NXPH2: variants seen among roughly 807,000 people sequenced by gnomAD.
NXPH2 encodes the protein neurexophilin 2, also known as neurexophilin-2.
Under a neutral mutation model 19.8 loss-of-function variants are expected in NXPH2, and 5 were observed. The ratio of observed to expected loss-of-function variants is 0.25; its 90% CI spans 0.13 to 0.53. The LOEUF is 0.53. Among genes scored for constraint, NXPH2 ranks in the 20% least tolerant of loss-of-function variants. NXPH2 has a pLI of 0.96. For missense variants in NXPH2, 289 were observed against 322.8 expected (o/e 0.90, Z 0.80); for synonymous variants, 154 against 127.4 (o/e 1.21, Z -1.41).
chr2:138,742,189 C>T (rs1159763896), intron 1 of NXPH2, among the ~76,000 whole-genome samples: 1 of 152,072 alleles, frequency 6.6e-6, no homozygotes, highest in Non-Finnish European at 1.5e-5. Flanking sequence ...TCTGGGGTGT[C>T]CGGCAGCCTC....
intron 1 of NXPH2, among the ~76,000 whole-genome samples, chr2:138,733,588 T>C (rs1681485107): frequency 6.6e-6 from 1 of 152,212 alleles, no homozygotes; most frequent in Admixed American, 6.5e-5. Flanking sequence ...TCAGAAATTG[T>C]CATTTTACGT....
chr2:138,713,805 A>T (rs1156461282), intron 1 of NXPH2, among the ~76,000 whole-genome samples: 1 of 152,140 alleles, frequency 6.6e-6, no homozygotes. Context: ...TCATCAGGGG[A>T]ATCCAATGTG....
At chr2:138,707,370 A>G (rs537961131) in intron 1 of NXPH2, among the ~76,000 whole-genome samples, 12 of 152,320 alleles carry the variant, frequency 7.9e-5, no homozygotes, top group Admixed American at 6.5e-4. Flanking sequence ...TTTGTGAAAG[A>G]ATGAACCTTC....
chr2:138,686,899 T>C (rs1182769385), intron 1 of NXPH2, among the ~76,000 whole-genome samples: 1 of 152,230 alleles, frequency 6.6e-6, no homozygotes, highest in Admixed American at 6.5e-5. Flanking sequence ...TTTTTATGGC[T>C]GCATAGTATT....
At chr2:138,695,632 A>G (rs1369674921) in intron 1 of NXPH2, among the ~76,000 whole-genome samples, 5 of 152,170 alleles carry the variant, frequency 3.3e-5, no homozygotes, top group Admixed American at 1.3e-4. Context: ...CAGAAACCTG[A>G]CTAGTGAGGT....
Position 138,670,578 on chromosome 2 carries a change from G to A in NXPH2, c.*344C>T, listed in dbSNP as rs970053062. Among the ~76,000 whole-genome samples the A allele has an allele frequency of 4.6e-5, 7 of 152,140 alleles. No individual in the cohort carries two copies. Among genetic ancestry groups the A allele is most frequent in the Non-Finnish European group, 1.0e-4 (7 of 68,022 alleles). On this transcript the variant is annotated 3_prime_UTR_variant, in exon 2 of 2. Transcript: ENST00000272641. ...TTTCAAAGGCAGGCTCATTTCAAGA[G>A]CAATGTTTGTCACATGCATAATTTT...
intron 1 of NXPH2, among the ~76,000 whole-genome samples, chr2:138,674,026 C>A (rs1356870468): frequency 2.6e-5 from 4 of 152,046 alleles, no homozygotes; most frequent in African/African-American, 9.7e-5. Context: ...ACTCTGTCAC[C>A]CAGGCTGGAG....
chr2:138,741,163 G>T (rs1681636453), intron 1 of NXPH2, among the ~76,000 whole-genome samples: 1 of 152,092 alleles, frequency 6.6e-6, no homozygotes, highest in African/African-American at 2.4e-5. Flanking sequence ...TGTCAACTTG[G>T]CCTGATTCTC....
chr2:138,698,788 A>G (rs749809154), intron 1 of NXPH2, among the ~76,000 whole-genome samples: 1 of 152,126 alleles, frequency 6.6e-6, no homozygotes, highest in Non-Finnish European at 1.5e-5. Context: ...CAGGAATTAG[A>G]GGGGGCAGTA....
intron 1 of NXPH2, among the ~76,000 whole-genome samples, chr2:138,731,573 A>G (rs151306458): frequency 3.0e-3 from 456 of 152,232 alleles, no homozygotes; most frequent in Admixed American, 4.5e-3. Context: ...CTTGGTAGGT[A>G]GGGCAGAGTT....
intron 1 of NXPH2, among the ~76,000 whole-genome samples, chr2:138,716,936 A>C (rs571977984): frequency 6.6e-6 from 1 of 152,304 alleles, no homozygotes; most frequent in East Asian, 1.9e-4. Context: ...TTGAGCCTGC[A>C]ATTCCTCTCT....
At chr2:138,699,759 C>T (rs898083983) in intron 1 of NXPH2, among the ~76,000 whole-genome samples, 8 of 152,190 alleles carry the variant, frequency 5.3e-5, no homozygotes, top group African/African-American at 1.7e-4. Flanking sequence ...TTGATCCCAG[C>T]CAGCTTCCTG....
chr2:138,714,419 T>A (rs1573963893), intron 1 of NXPH2, among the ~76,000 whole-genome samples: 1 of 152,322 alleles, frequency 6.6e-6, no homozygotes, highest in South Asian at 2.1e-4. Context: ...ATCCTGAATA[T>A]CTCTGAATTA....
At chr2:138,777,085 T>G (rs1318707573) in intron 1 of NXPH2, among the ~76,000 whole-genome samples, 1 of 152,070 alleles carries the variant, frequency 6.6e-6, no homozygotes, top group Non-Finnish European at 1.5e-5. Context: ...AAATTAAAAT[T>G]TATTCTTTTT....
chr2:138,747,143 T>C (rs1219172003), intron 1 of NXPH2, among the ~76,000 whole-genome samples: 1 of 152,188 alleles, frequency 6.6e-6, no homozygotes, highest in Admixed American at 6.5e-5. Context: ...TTTGCTACCA[T>C]ACGTAGTGCT....
intron 1 of NXPH2, among the ~76,000 whole-genome samples, chr2:138,742,296 T>A (rs1165071235): frequency 6.6e-6 from 1 of 152,192 alleles, no homozygotes. Context: ...GGGTTTCTTC[T>A]GGAATCTACA....
intron 1 of NXPH2, among the ~76,000 whole-genome samples, chr2:138,726,340 G>A (rs928282612): frequency 2.6e-5 from 4 of 151,968 alleles, no homozygotes; most frequent in South Asian, 2.1e-4. Context: ...CCACCAGGTC[G>A]GCCTGCCAAC....
Position 138,773,436 on chromosome 2 carries a change from G to A in NXPH2, c.51+6755C>T, listed in dbSNP as rs368639643. Among the ~76,000 whole-genome samples, 74 of 152,004 alleles carry A rather than the reference G, an allele frequency of 4.9e-4. 2 individuals are homozygous for A. In the South Asian group the frequency reaches 0.014, roughly 29 times the overall value. On this transcript the variant is annotated intron_variant, in intron 1 of 1. Coordinates refer to ENST00000272641, the MANE Select transcript of NXPH2 (RefSeq NM_007226.3). Reference sequence around the variant, plus strand: ...AAATGATGCTTTATGGTCCCTAGTCGTTTATTGTATGCATTATCCATTGAA... The same window carrying A: ...AAATGATGCTTTATGGTCCCTAGTCATTTATTGTATGCATTATCCATTGAA...
At chr2:138,777,196 T>C (rs1458432387) in intron 1 of NXPH2, among the ~76,000 whole-genome samples, 1 of 152,118 alleles carries the variant, frequency 6.6e-6, no homozygotes, top group Non-Finnish European at 1.5e-5. Flanking sequence ...AGTCTTTACC[T>C]TGTATCATGA....
Sources: allele counts gnomAD v4.1 joint callset (sites outside exome capture counted in the v4.1 genomes callset), GRCh38; gene constraint gnomAD v4.1.1; transcripts MANE v1.5; gene names NCBI Gene and HGNC (gene_info 2026-07-23, HGNC 2026-07-21).